Variants in LRRC4B observed in about 807,000 individuals in gnomAD.
LRRC4B encodes leucine rich repeat containing 4B, also known as leucine-rich repeat-containing protein 4B.
A neutral mutation model predicts 7.3 loss-of-function variants in LRRC4B; 1 was observed. The ratio of observed to expected loss-of-function variants is 0.14; its 90% CI spans 0.05 to 0.65. LRRC4B has a LOEUF of 0.65. Among genes scored for constraint, LRRC4B ranks in the 30% least tolerant of loss-of-function variants. LRRC4B has a pLI of 0.84. For missense variants in LRRC4B, 730 were observed against 1,041.6 expected, an observed-to-expected ratio of 0.70 and a Z score of 4.12; for synonymous variants, 500 against 499.2, an observed-to-expected ratio of 1.00 and a Z score of -0.02.
chr19:50,539,377 C>T (rs1340872898), intron 2 of LRRC4B, among the ~76,000 whole-genome samples: 4 of 152,244 alleles, frequency 2.6e-5, no homozygotes, highest in Admixed American at 1.3e-4. Context: ...TCCATTTCCA[C>T]GTCCATAAGA....
At chr19:50,542,469 AT>A (rs58092334) in intron 2 of LRRC4B, among the ~76,000 whole-genome samples, 5,679 of 107,278 alleles carry the variant, frequency 0.053, 121 homozygotes, top group African/African-American at 0.15. Context: ...AGAATTGCTG[AT>A]TTTTTTTTTT....
At chr19:50,531,263 C>T (rs973342776) in intron 2 of LRRC4B, among the ~76,000 whole-genome samples, 4 of 152,234 alleles carry the variant, frequency 2.6e-5, no homozygotes, top group Non-Finnish European at 5.9e-5. Flanking sequence ...GACCAAGGCT[C>T]GGTGAAGTCA....
Position 50,553,346 on chromosome 19 carries a change from G to A in LRRC4B, c.-35-4473C>T, listed in dbSNP as rs961875533. On this transcript the variant is annotated intron_variant, in intron 1 of 2. Transcript: ENST00000652263. The surrounding 1 kb of genome is among the most constrained non-coding windows in gnomAD (Gnocchi z 4.2). ...CAGCTCCCGTCCCACTCAGAGCAGA[G>A]ATGAGGACTTCAGTTTTCAGGTCTC... Among the ~76,000 whole-genome samples, 1 of 152,156 alleles carries A rather than the reference G, an allele frequency of 6.6e-6. No homozygotes were observed. The highest frequency in any genetic ancestry group is 1.5e-5 in the Non-Finnish European group (1 of 68,034).
Position 50,548,185 on chromosome 19 carries a change from G to T in LRRC4B, c.297+357C>A, listed in dbSNP as rs146128824. Among the ~76,000 whole-genome samples the T allele has an allele frequency of 0.013, 2,030 of 152,282 alleles. 58 individuals are homozygous for T. Among genetic ancestry groups the T allele is most frequent in the African/African-American group, 0.046 (1,906 of 41,560 alleles). On this transcript the variant is annotated intron_variant, in intron 2 of 2. Coordinates refer to ENST00000652263, the MANE Select transcript of LRRC4B (RefSeq NM_001080457.2). The surrounding 1 kb of genome is among the most constrained non-coding windows in gnomAD (Gnocchi z 6.8). Reference sequence around the variant, plus strand: ...CCCAAGGCCACGAGAGGGTGTGGTGGTGCAGATGCCACAGGGGTCCCTGTG... The same window carrying T: ...CCCAAGGCCACGAGAGGGTGTGGTGTTGCAGATGCCACAGGGGTCCCTGTG...
rs1376550676 is a variant in LRRC4B, at chr19:50,517,805, G to C, written c.1908C>G (p.Ala636=). 2.6e-6 allele frequency: 4 copies of C among 1,546,242 alleles called. 1 individual carries two copies. The Admixed American group carries it at 8.3e-5, about 32-fold the overall frequency. Residue 636 remains alanine, a synonymous_variant, in exon 3 of 3, where the codon GCC becomes GCG. Transcript: ENST00000652263. The surrounding 1 kb of genome is among the most constrained non-coding windows in gnomAD (Gnocchi z 6.6). ...AASAVSVAAA[A]AVASGGGVGG... ...CCACACCACCCCCACTGGCCACGGC[G>C]GCCGCGGCGGCCACGGACACGGCCG...
intron 2 of LRRC4B, among the ~76,000 whole-genome samples, chr19:50,534,607 A>C (rs1015344420): frequency 3.3e-5 from 5 of 152,158 alleles, no homozygotes; most frequent in Non-Finnish European, 7.3e-5. Context: ...GCAGATGTGA[A>C]TCCGGCAAAG....
At chr19:50,559,865 G>A (rs1375315802) in intron 1 of LRRC4B, among the ~76,000 whole-genome samples, 1 of 152,246 alleles carries the variant, frequency 6.6e-6, no homozygotes, top group South Asian at 2.1e-4. Flanking sequence ...CGGGCGCAGT[G>A]GCTCACGCCT....
intron 1 of LRRC4B, among the ~76,000 whole-genome samples, chr19:50,554,763 C>G (rs1261159054): frequency 6.6e-6 from 1 of 152,206 alleles, no homozygotes; most frequent in African/African-American, 2.4e-5. Context: ...GAGAAGACTG[C>G]TATTACACCC....
At position 50,542,444 on chromosome 19, in the gene LRRC4B, G is replaced by A. The variant is rs574105745; in HGVS notation, c.297+6098C>T. Among the ~76,000 whole-genome samples, 17 of 152,202 alleles carry A rather than the reference G, an allele frequency of 1.1e-4. No homozygotes were observed. The East Asian group carries it at 2.5e-3, about 22-fold the overall frequency. The stretch of plus-strand genomic sequence containing the variant: ...AATCTCAAAAAACAGTGGTGGGGCC[G>A]GGGCAGGGCCTCAGAGAATTGCTGA... On this transcript the variant is annotated intron_variant, in intron 2 of 2. Coordinates refer to ENST00000652263, the MANE Select transcript of LRRC4B (RefSeq NM_001080457.2).
At chr19:50,552,171 C>T (rs1982095932) in intron 1 of LRRC4B, among the ~76,000 whole-genome samples, 1 of 151,844 alleles carries the variant, frequency 6.6e-6, no homozygotes, top group Admixed American at 6.6e-5. Flanking sequence ...TGGGCCACCA[C>T]TGACCCCCTC....
chr19:50,536,393 G>A (rs555978633), intron 2 of LRRC4B, among the ~76,000 whole-genome samples: 7 of 152,228 alleles, frequency 4.6e-5, no homozygotes, highest in East Asian at 1.9e-4. Flanking sequence ...TCAGCCTCCC[G>A]AAGTGCTAGG....
rs150666245 is a variant in LRRC4B, at chr19:50,524,955, G to A, written c.298-5540C>T. On this transcript the variant is annotated intron_variant, in intron 2 of 2. Transcript: ENST00000652263. Reference sequence around the variant, plus strand: ...TAAGAACAAGGACTGTGATCGCCCCGTTTTAGAAAGGAGGAAACAGGAGCC... The same window carrying A: ...TAAGAACAAGGACTGTGATCGCCCCATTTTAGAAAGGAGGAAACAGGAGCC... Among the ~76,000 whole-genome samples the A allele has an allele frequency of 7.1e-4, 108 of 152,292 alleles. 1 individual carries two copies. Among genetic ancestry groups the A allele is most frequent in the African/African-American group, 2.5e-3 (105 of 41,572 alleles).
intron 2 of LRRC4B, among the ~76,000 whole-genome samples, chr19:50,544,622 C>A (rs1486415090): frequency 6.6e-6 from 1 of 152,088 alleles, no homozygotes; most frequent in Non-Finnish European, 1.5e-5. Context: ...GGAGGGTGTC[C>A]GAATGCAAAG....
Position 50,548,517 on chromosome 19 carries a change from C to T in LRRC4B, c.297+25G>A, listed in dbSNP as rs1255436881. ...CTCCCCAGTGTCCCCTCCAAGGTCC[C>T]CCTCTGCCCGCTGGCCCCGCATACC... On this transcript the variant is annotated intron_variant, in intron 2 of 2. Coordinates refer to ENST00000652263, the MANE Select transcript of LRRC4B (RefSeq NM_001080457.2). This position sits in a 1 kb window ranked among gnomAD's most constrained non-coding sequence, Gnocchi z 6.8. 6.4e-7 allele frequency: 1 copy of T among 1,573,628 alleles called. No homozygotes were observed. The highest frequency in any genetic ancestry group is 2.3e-5 in the East Asian group (1 of 43,624).
At chr19:50,550,493 C>T (rs976364707) in intron 1 of LRRC4B, among the ~76,000 whole-genome samples, 3 of 148,446 alleles carry the variant, frequency 2.0e-5, no homozygotes, top group Non-Finnish European at 4.5e-5. Context: ...TCAGGACCCC[C>T]GACACAGGCT....
chr19:50,552,759 C>CCCAT (rs775317473), intron 1 of LRRC4B, among the ~76,000 whole-genome samples: 3 of 150,642 alleles, frequency 2.0e-5, no homozygotes, highest in East Asian at 3.9e-4. Context: ...CATCCATCCA[C>CCCAT]CCATCCATCC....
At chr19:50,549,151 G>A (rs1981946680) in intron 1 of LRRC4B, among the ~76,000 whole-genome samples, 2 of 152,224 alleles carry the variant, frequency 1.3e-5, no homozygotes, top group African/African-American at 4.8e-5. Context: ...TGGGGGAGAG[G>A]AAGTGCCTGC....
intron 2 of LRRC4B, among the ~76,000 whole-genome samples, chr19:50,525,280 G>A (rs1034266144): frequency 1.3e-5 from 2 of 152,172 alleles, no homozygotes; most frequent in Non-Finnish European, 2.9e-5. Flanking sequence ...AGTGTTCAGG[G>A]GTGCTCAGCA....
intron 2 of LRRC4B, among the ~76,000 whole-genome samples, chr19:50,541,687 C>T (rs1981556146): frequency 6.6e-6 from 1 of 152,178 alleles, no homozygotes; most frequent in Non-Finnish European, 1.5e-5. Context: ...CAGGAGGGAC[C>T]CAGAGCCGCC....
Sources: gnomAD v4.1 joint callset for allele counts (sites outside exome capture counted in the v4.1 genomes callset) on GRCh38, gnomAD v4.1.1 for gene constraint, Gnocchi (gnomAD v3.1) non-coding constraint, MANE v1.5 for transcripts, NCBI Gene and HGNC (gene_info 2026-07-23, HGNC 2026-07-21) for gene names.